The following USP15 variants were observed in gnomAD, a reference collection of about 807,000 sequenced individuals.
The protein encoded by USP15 is ubiquitin carboxyl-terminal hydrolase 15.
Under a neutral mutation model 127.1 loss-of-function variants are expected in USP15, and 18 were observed. The observed-to-expected ratio is 0.14, with a 90% CI of 0.10 to 0.21. The LOEUF (loss-of-function observed/expected upper bound fraction) is 0.21. Among genes scored for constraint, USP15 ranks in the 10% least tolerant of loss-of-function variants. USP15 has a pLI of 1.00. For missense variants in USP15, 805 were observed against 1,159.9 expected (o/e 0.69, Z 4.44); for synonymous variants, 364 against 393.7 (o/e 0.92, Z 0.89).
In USP15 at chr12:62,384,008, A is replaced by G. The variant is rs368333333; in HGVS notation, c.1248+10A>G. The G allele has an allele frequency of 8.7e-6, 14 of 1,611,526 alleles. No homozygotes were observed. The highest frequency in any genetic ancestry group is 1.6e-4 in the Middle Eastern group (1 of 6,074). ...TGGAAGGCCAGATAAGGTAAATTTC[A>G]TGATCCTATTGTCACCATTGTTATA... On this transcript the variant is annotated intron_variant, in intron 10 of 21. Coordinates refer to ENST00000280377, the MANE Select transcript of USP15 (RefSeq NM_001252078.2).
chr12:62,399,331 G>A (rs1477836784), intron 20 of USP15, among the ~76,000 whole-genome samples: 4 of 152,156 alleles, frequency 2.6e-5, no homozygotes, highest in Non-Finnish European at 5.9e-5. Context: ...TTCATCCCAT[G>A]GCTATTTCCT....
At chr12:62,304,722 A>C (rs1009506431) in intron 3 of USP15, 2 of 454,876 alleles carry the variant, frequency 4.4e-6, no homozygotes, top group African/African-American at 4.0e-5. Context: ...ATAAGCAGAA[A>C]ATACGATGGA....
chr12:62,401,023 T>C (rs984628263), intron 20 of USP15, 164 bp from the exon 21 acceptor site: 11 of 457,970 alleles, frequency 2.4e-5, no homozygotes, highest in Non-Finnish European at 3.8e-5. Context: ...CATCTAATTG[T>C]AGAAATTAGA....
At chr12:62,264,633 C>T (rs2063152157) in intron 1 of USP15, among the ~76,000 whole-genome samples, 1 of 152,136 alleles carries the variant, frequency 6.6e-6, no homozygotes, top group Admixed American at 6.5e-5. Flanking sequence ...ACATTGATTT[C>T]AGTTTTTAGA....
chr12:62,318,102 C>A (rs930698163), intron 4 of USP15, among the ~76,000 whole-genome samples: 1 of 152,172 alleles, frequency 6.6e-6, no homozygotes, highest in African/African-American at 2.4e-5. Context: ...AATAAGCACA[C>A]ACTGTCAGTC....
chr12:62,407,503 T>G lies in USP15; in HGVS notation c.*3128T>G, dbSNP rs2067907555. 1 of 152,224 alleles carries G rather than the reference T, an allele frequency of 6.6e-6. No homozygotes were observed. Among genetic ancestry groups the G allele is most frequent in the South Asian group, 2.1e-4 (1 of 4,834 alleles). 9.4% of individuals were successfully genotyped at this position (152,224 alleles called of 1,614,324 possible). A position where few individuals can be genotyped will look rare whatever the true frequency, so the allele number is the denominator to read the frequency against. ...CTTTGCTTCTAAAAGTATATTTAGC[T>G]CAGTATTCGAGCATTGAATAAGAAA... On this transcript the variant is annotated 3_prime_UTR_variant, in exon 22 of 22. Coordinates refer to ENST00000280377, the MANE Select transcript of USP15 (RefSeq NM_001252078.2).
chr12:62,404,568 T>A lies in USP15; in HGVS notation c.*193T>A. The A allele has an allele frequency of 1.6e-6, 1 of 639,876 alleles. No homozygotes were observed. Among genetic ancestry groups the A allele is most frequent in the Non-Finnish European group, 2.3e-6 (1 of 442,842 alleles). 39.6% of individuals were successfully genotyped at this position (639,876 alleles called of 1,614,324 possible). A position where few individuals can be genotyped will look rare whatever the true frequency, so the allele number is the denominator to read the frequency against. ...AATGAAAACTTTAACAGAAATTGTCTCTTAATACATTTACAGTCTTGTATT... is the reference window on the plus strand; with the variant it reads ...AATGAAAACTTTAACAGAAATTGTCACTTAATACATTTACAGTCTTGTATT... On this transcript the variant is annotated 3_prime_UTR_variant, in exon 22 of 22. Transcript: ENST00000280377.
At position 62,382,245 on chromosome 12, in the gene USP15, A is replaced by T. The variant is rs1407135051; in HGVS notation, c.1089+582A>T. Among the ~76,000 whole-genome samples the T allele has an allele frequency of 2.0e-5, 3 of 152,008 alleles. No homozygotes were observed. In the East Asian group the frequency reaches 5.8e-4, roughly 29 times the overall value. ...CAAATAATTTATTGTTCAAATAAGA[A>T]TTGAGCTGAAATTTAGCTTTATGGC... On this transcript the variant is annotated intron_variant, in intron 9 of 21. Coordinates refer to ENST00000280377, the MANE Select transcript of USP15 (RefSeq NM_001252078.2).
rs564271663 is a variant in USP15, at chr12:62,336,570, C to T, written c.683+10637C>T. 3.0e-4 allele frequency: 249 copies of T among 827,592 alleles called. 1 individual carries two copies. The highest frequency in any genetic ancestry group is 1.1e-3 in the Admixed American group (18 of 16,058). The allele number at this position is 827,592 out of a possible 1,614,324, so 51.3% of individuals were successfully genotyped here. A position where few individuals can be genotyped will look rare whatever the true frequency, so the allele number is the denominator to read the frequency against. ...TATAGCTGTTAATATTTGTCATATT[C>T]GAAATTGAAATAAGATTTTAAGGTA... On this transcript the variant is annotated intron_variant, in intron 6 of 21. Transcript: ENST00000280377.
intron 1 of USP15, among the ~76,000 whole-genome samples, chr12:62,286,426 G>A (rs1001613178): frequency 1.3e-5 from 2 of 152,196 alleles, no homozygotes; most frequent in Admixed American, 6.5e-5. Flanking sequence ...TTATTGGTGA[G>A]AATGCAAATT....
intron 8 of USP15, among the ~76,000 whole-genome samples, chr12:62,381,114 C>T (rs2137566675): frequency 6.6e-6 from 1 of 152,146 alleles, no homozygotes; most frequent in South Asian, 2.1e-4. Context: ...TCAGTTTTTA[C>T]CTACTCAGGC....
In USP15 at chr12:62,328,142, G is replaced by A. The variant is rs145692235; in HGVS notation, c.683+2209G>A. Among the ~76,000 whole-genome samples, 270 of 152,264 alleles carry A rather than the reference G, an allele frequency of 1.8e-3. 1 individual carries two copies. Among genetic ancestry groups the A allele is most frequent in the African/African-American group, 6.4e-3 (265 of 41,556 alleles). On this transcript the variant is annotated intron_variant, in intron 6 of 21. Coordinates refer to ENST00000280377, the MANE Select transcript of USP15 (RefSeq NM_001252078.2). The stretch of plus-strand genomic sequence containing the variant: ...AAAGAAGAAATAAAGTTCACTATTC[G>A]TATATGATATAGTCATTTGTATAAA...
At position 62,413,716 on chromosome 12, in the gene USP15, T is replaced by TA. The variant is rs57877818; in HGVS notation, c.*9354dup. ...TAGTGTTGTGGCTGATTTGATCTAT[T>TA]AAAAAAAAAAAAACTCAGGCTTTCT... is the stretch of plus-strand genomic sequence containing the variant. On this transcript the variant is annotated 3_prime_UTR_variant, in exon 22 of 22. Transcript: ENST00000280377. 4.8e-3 allele frequency: 702 copies of TA among 146,460 alleles called. 3 individuals are homozygous for TA. The highest frequency in any genetic ancestry group is 0.011 in the African/African-American group (424 of 40,364). 9.1% of individuals were successfully genotyped at this position (146,460 alleles called of 1,614,324 possible). A position where few individuals can be genotyped will look rare whatever the true frequency, so the allele number is the denominator to read the frequency against.
chr12:62,366,778 G>A lies in USP15; in HGVS notation c.915+11303G>A, dbSNP rs538821952. ...GCATGAAAGGGTGTTGAATTTTGTC[G>A]AAGGCCTTTTCTGCATCTATTGAGA... On this transcript the variant is annotated intron_variant, in intron 8 of 21. Transcript: ENST00000280377. Among the ~76,000 whole-genome samples, 24 of 152,114 alleles carry A rather than the reference G, an allele frequency of 1.6e-4. No individual in the cohort carries two copies. In the East Asian group the frequency reaches 1.9e-3, roughly 12 times the overall value.
In USP15 at chr12:62,367,180, G is replaced by T. The variant is rs147076466; in HGVS notation, c.915+11705G>T. Reference sequence around the variant, plus strand: ...ATGTGGTCCTGGAATGTTTTTGGTAGGTAGACTATTAATTACTGCCTTGAT... The same window carrying T: ...ATGTGGTCCTGGAATGTTTTTGGTATGTAGACTATTAATTACTGCCTTGAT... On this transcript the variant is annotated intron_variant, in intron 8 of 21. Coordinates refer to ENST00000280377, the MANE Select transcript of USP15 (RefSeq NM_001252078.2). 2.2e-3 allele frequency among the ~76,000 whole-genome samples: 338 copies of T among 152,054 alleles called. 2 individuals are homozygous for T. Among genetic ancestry groups the T allele is most frequent in the African/African-American group, 8.0e-3 (333 of 41,480 alleles).
At chr12:62,386,019 C>T (rs2067137453) in intron 11 of USP15, among the ~76,000 whole-genome samples, 1 of 152,038 alleles carries the variant, frequency 6.6e-6, no homozygotes, top group Non-Finnish European at 1.5e-5. Flanking sequence ...ATGATAAGTG[C>T]TCTTCCATAA....
chr12:62,362,016 TA>T (rs750171846), intron 8 of USP15, among the ~76,000 whole-genome samples: 1 of 152,068 alleles, frequency 6.6e-6, no homozygotes, highest in Non-Finnish European at 1.5e-5. Context: ...TAATGCAGGT[TA>T]TTTTTTTATA....
intron 8 of USP15, among the ~76,000 whole-genome samples, chr12:62,367,469 C>T (rs749129738): frequency 7.2e-5 from 11 of 152,156 alleles, no homozygotes; most frequent in Middle Eastern, 3.4e-3. Context: ...CCTCGTGATC[C>T]GCCTGCCTTG....
intron 4 of USP15, among the ~76,000 whole-genome samples, chr12:62,319,569 A>T (rs991814391): frequency 6.6e-6 from 1 of 152,164 alleles, no homozygotes; most frequent in Non-Finnish European, 1.5e-5. Flanking sequence ...TACCTCACTT[A>T]TTCTACTTCA....
Sources: allele counts gnomAD v4.1 joint callset (sites outside exome capture counted in the v4.1 genomes callset), GRCh38; gene constraint gnomAD v4.1.1; transcripts MANE v1.5; gene names NCBI Gene and HGNC (gene_info 2026-07-23, HGNC 2026-07-21).